The following MLN variants were observed in gnomAD, a reference collection of about 807,000 sequenced individuals.
The protein encoded by MLN is motilin, also known as promotilin.
Under a neutral mutation model 13.3 loss-of-function variants are expected in MLN, and 14 were observed. That is an observed-to-expected ratio of 1.05 (90% CI 0.69 to 1.64). The LOEUF (loss-of-function observed/expected upper bound fraction) is 1.64. MLN is among the 40% of genes most tolerant of loss of function. The pLI, the probability that MLN is intolerant of heterozygous loss-of-function variation, is 0.00. For synonymous variants in MLN, 59 were observed against 54.7 expected (o/e 1.08, Z -0.34); for missense variants, 122 against 142.9 (o/e 0.85, Z 0.75).
chr6:33,802,517 C>G (rs1261116679), intron 1 of MLN, among the ~76,000 whole-genome samples: 1 of 152,222 alleles, frequency 6.6e-6, no homozygotes, highest in Non-Finnish European at 1.5e-5. Flanking sequence ...TGCCTCTCAG[C>G]CAAGACCTGT....
In MLN at chr6:33,799,305, G is replaced by T; in HGVS notation, c.118-84C>A. ...CCTTGCCTGTCTCCATCTGCCCAGG[G>T]TGCTGTCTGCCCTGAGCTCCCTACA... On this transcript the variant is annotated intron_variant, in intron 2 of 4. Transcript: ENST00000430124. The surrounding 1 kb of genome is among the most constrained non-coding windows in gnomAD (Gnocchi z 4.6). 3 of 967,558 alleles carry T rather than the reference G, an allele frequency of 3.1e-6. No individual in the cohort carries two copies. The South Asian group carries it at 4.5e-5, about 15-fold the overall frequency. The allele number at this position is 967,558 out of a possible 1,614,324, so 59.9% of individuals were successfully genotyped here. A position where few individuals can be genotyped will look rare whatever the true frequency, so the allele number is the denominator to read the frequency against.
At chr6:33,795,068 G>C (rs1001893040) in intron 4 of MLN, among the ~76,000 whole-genome samples, 1 of 152,152 alleles carries the variant, frequency 6.6e-6, no homozygotes, top group African/African-American at 2.4e-5. Context: ...TCTCCTCCTG[G>C]GGACTATGAG....
chr6:33,801,314 G>A (rs1036580932), intron 1 of MLN, 144 bp from the exon 2 acceptor site: 24 of 650,126 alleles, frequency 3.7e-5, no homozygotes, highest in Non-Finnish European at 5.4e-5. Flanking sequence ...TCTGGATTTG[G>A]GCCTGGTATC....
rs898207723 is a variant in MLN at position 33,799,317 on chromosome 6, C to T, written c.118-96G>A. On this transcript the variant is annotated intron_variant, in intron 2 of 4. Transcript: ENST00000430124. This position sits in a 1 kb window ranked among gnomAD's most constrained non-coding sequence, Gnocchi z 4.6. ...CCATCTGCCCAGGGTGCTGTCTGCC[C>T]TGAGCTCCCTACAGACTGAAAGAAC... is the stretch of plus-strand genomic sequence containing the variant. 9 of 799,212 alleles carry T rather than the reference C, an allele frequency of 1.1e-5. No individual in the cohort carries two copies. The highest frequency in any genetic ancestry group is 2.1e-5 in the Admixed American group (1 of 46,860). The allele number at this position is 799,212 out of a possible 1,614,324, so 49.5% of individuals were successfully genotyped here.
chr6:33,794,924 G>A (rs940393684), intron 4 of MLN, 89 bp from the exon 5 acceptor site: 104 of 1,539,652 alleles, frequency 6.8e-5, no homozygotes, highest in Non-Finnish European at 8.3e-5. Context: ...GTCGGAGGGA[G>A]GAGGGGGCAC....
chr6:33,798,106 G>A (rs1767965389), intron 3 of MLN, among the ~76,000 whole-genome samples: 1 of 152,162 alleles, frequency 6.6e-6, no homozygotes, highest in Non-Finnish European at 1.5e-5. Context: ...TAGGACACCT[G>A]CTGTCGCCCA....
Position 33,799,352 on chromosome 6 carries a change from C to G in MLN, c.118-131G>C. On this transcript the variant is annotated intron_variant, in intron 2 of 4. Coordinates refer to ENST00000430124, the MANE Select transcript of MLN (RefSeq NM_002418.3). This position sits in a 1 kb window ranked among gnomAD's most constrained non-coding sequence, Gnocchi z 4.6. The stretch of plus-strand genomic sequence containing the variant: ...TACAGACTGAAAGAACCCTTTCCTC[C>G]AGGAGCCTCCTGCACGAGGAATCTC... 3.4e-6 allele frequency: 2 copies of G among 584,466 alleles called. No individual in the cohort carries two copies. The highest frequency in any genetic ancestry group is 2.8e-5 in the South Asian group (1 of 35,228). 36.2% of individuals were successfully genotyped at this position (584,466 alleles called of 1,614,324 possible).
chr6:33,797,056 C>T (rs1767942477), intron 3 of MLN, among the ~76,000 whole-genome samples: 1 of 152,206 alleles, frequency 6.6e-6, no homozygotes, highest in Non-Finnish European at 1.5e-5. Flanking sequence ...GGCCCCACCT[C>T]GCTGAGTGCA....
chr6:33,800,799 C>T (rs114911741), intron 2 of MLN, among the ~76,000 whole-genome samples: 3,664 of 152,306 alleles, frequency 0.024, 60 homozygotes, highest in South Asian at 0.063. Context: ...CAGAGCAGCT[C>T]GGTAAATATT....
chr6:33,801,753 C>T (rs537165645), intron 1 of MLN, among the ~76,000 whole-genome samples: 1 of 152,364 alleles, frequency 6.6e-6, no homozygotes, highest in Non-Finnish European at 1.5e-5. Flanking sequence ...AGAGGGCACC[C>T]CCTTCCCCGT....
In MLN at chr6:33,795,479, C is replaced by T. The variant is rs778526128; in HGVS notation, c.337+24G>A. The T allele has an allele frequency of 3.7e-5, 57 of 1,544,666 alleles. No individual in the cohort carries two copies. The East Asian group carries it at 5.1e-4, about 14-fold the overall frequency. On this transcript the variant is annotated intron_variant, in intron 4 of 4. Coordinates refer to ENST00000430124, the MANE Select transcript of MLN (RefSeq NM_002418.3). ...GGGTGGGCGGAGGCCGGCCAAGCCA[C>T]AGAGATGCCCGCCCTCCCCGTACCA... is the stretch of plus-strand genomic sequence containing the variant.
intron 3 of MLN, among the ~76,000 whole-genome samples, chr6:33,795,829 C>T (rs1365770930): frequency 1.3e-5 from 2 of 151,988 alleles, no homozygotes; most frequent in African/African-American, 4.8e-5. Flanking sequence ...ATACACCTTC[C>T]ATAACGGGGA....
chr6:33,794,729 C>A lies in MLN; in HGVS notation c.*96G>T. ...AATTTGCTTTGGAAAGGGTGTTTTC[C>A]TTCCAAGCCCAGCTGGCAGGCTCTG... is the stretch of plus-strand genomic sequence containing the variant. On this transcript the variant is annotated 3_prime_UTR_variant, in exon 5 of 5. Transcript: ENST00000430124. The A allele has an allele frequency of 6.8e-7, 1 of 1,471,544 alleles. No individual in the cohort carries two copies. 91.2% of individuals were successfully genotyped at this position (1,471,544 alleles called of 1,614,324 possible).
At chr6:33,794,943 G>C (rs754283441) in intron 4 of MLN, 108 bp from the exon 5 acceptor site, 4 of 1,415,898 alleles carry the variant, frequency 2.8e-6, no homozygotes, top group Non-Finnish European at 3.9e-6. Flanking sequence ...ACAAGGGCAG[G>C]CTGGGCGGGA....
At chr6:33,794,993 G>T (rs1438813585) in intron 4 of MLN, among the ~76,000 whole-genome samples, 158 bp from the exon 5 acceptor site, 3 of 152,222 alleles carry the variant, frequency 2.0e-5, no homozygotes, top group African/African-American at 4.8e-5. Context: ...GCTGTCTGTA[G>T]CCTGGGGCAA....
Position 33,801,046 on chromosome 6 carries a change from C to A in MLN, c.117+1G>T. The A allele has an allele frequency of 6.2e-7, 1 of 1,612,506 alleles. No individual in the cohort carries two copies. Among genetic ancestry groups the A allele is most frequent in the South Asian group, 1.1e-5 (1 of 91,032 alleles). On this transcript the variant is annotated splice_donor_variant, in intron 2 of 4. Transcript: ENST00000430124. LOFTEE classifies it high-confidence loss of function. ...CAGGGCAGGCAGCAGGGGGTTCTTA[C>A]CTGCATCCTCTGGAGTTCGCCATAG...
chr6:33,795,225 G>A (rs535767802), intron 4 of MLN, among the ~76,000 whole-genome samples: 13 of 152,306 alleles, frequency 8.5e-5, no homozygotes, highest in Admixed American at 2.0e-4. Context: ...GGTTCCCTTC[G>A]GAGCAGCCAC....
intron 4 of MLN, among the ~76,000 whole-genome samples, chr6:33,795,283 GT>G (rs1767886168): frequency 6.6e-6 from 1 of 152,226 alleles, no homozygotes; most frequent in Non-Finnish European, 1.5e-5. Flanking sequence ...GAGCAGGGGA[GT>G]GGGGTGGGTA....
intron 3 of MLN, among the ~76,000 whole-genome samples, chr6:33,796,917 C>T (rs575865824): frequency 1.3e-5 from 2 of 152,328 alleles, no homozygotes; most frequent in Admixed American, 6.5e-5. Context: ...GGAGTTAGTG[C>T]CTCAAACTCC....
Sources: gnomAD v4.1 joint callset for allele counts (sites outside exome capture counted in the v4.1 genomes callset) on GRCh38, gnomAD v4.1.1 for gene constraint, Gnocchi (gnomAD v3.1) non-coding constraint, MANE v1.5 for transcripts, NCBI Gene and HGNC (gene_info 2026-07-23, HGNC 2026-07-21) for gene names.